Variants in C10orf90 observed in about 807,000 individuals in gnomAD.
The protein encoded by C10orf90 is (E2-independent) E3 ubiquitin-conjugating enzyme FATS.
C10orf90 carries 56 observed loss-of-function variants against 62.5 expected under a neutral mutation model. That is an observed-to-expected ratio of 0.90 (90% CI 0.72 to 1.12). C10orf90 has a LOEUF of 1.12. Among genes scored for constraint, C10orf90 ranks in the 50% most tolerant of loss-of-function variants. The pLI, the probability that C10orf90 is intolerant of heterozygous loss-of-function variation, is 0.00. For missense variants in C10orf90, 970 were observed against 880.4 expected, an observed-to-expected ratio of 1.10 and a Z score of -1.29; for synonymous variants, 386 against 340.4, an observed-to-expected ratio of 1.13 and a Z score of -1.47.
intron 1 of C10orf90, 102 bp downstream of exon 1, chr10:126,670,139 T>C: frequency 2.7e-6 from 1 of 366,230 alleles, no homozygotes; most frequent in South Asian, 2.1e-5. Flanking sequence ...AAATGATTAA[T>C]TTATTAGACC....
intron 3 of C10orf90, chr10:126,512,207 C>T (rs1863147691): frequency 1.3e-5 from 2 of 151,610 alleles, no homozygotes; most frequent in Admixed American, 6.6e-5. Flanking sequence ...GGTATAATTT[C>T]CAGAGTTATT....
At chr10:126,582,969 C>A (rs1336509316) in intron 2 of C10orf90, among the ~76,000 whole-genome samples, 1 of 152,170 alleles carries the variant, frequency 6.6e-6, no homozygotes, top group Non-Finnish European at 1.5e-5. Flanking sequence ...ACTTGGTTGG[C>A]ACTATTGATA....
chr10:126,636,847 AC>A lies in C10orf90; in HGVS notation c.313+9717del, dbSNP rs1845961760. Among the ~76,000 whole-genome samples, 3 of 152,208 alleles carry A rather than the reference AC, an allele frequency of 2.0e-5. No individual in the cohort carries two copies. In the South Asian group the frequency reaches 6.2e-4, roughly 32 times the overall value. On this transcript the variant is annotated intron_variant, in intron 2 of 9. Transcript: ENST00000488181. ...AGTCTATTCTCTCCATGCCTTATTA[AC>A]AATATTTCACCAAAACAAGCAGCAT...
intron 2 of C10orf90, among the ~76,000 whole-genome samples, chr10:126,625,506 G>A (rs1845725167): frequency 6.6e-6 from 1 of 152,142 alleles, no homozygotes. Context: ...GTCCAGAGTC[G>A]AGGGTTCTTT....
intron 2 of C10orf90, among the ~76,000 whole-genome samples, chr10:126,562,039 C>T (rs1406079011): frequency 1.3e-5 from 2 of 152,314 alleles, no homozygotes; most frequent in South Asian, 4.1e-4. Flanking sequence ...TGGGTGCCGC[C>T]CTCCCGCTGA....
chr10:126,599,182 CTT>C (rs755259124), intron 2 of C10orf90, among the ~76,000 whole-genome samples: 126 of 128,240 alleles, frequency 9.8e-4, no homozygotes, highest in African/African-American at 3.6e-3. Flanking sequence ...GGTTCCACTC[CTT>C]TTTTTTTTTT....
chr10:126,553,029 T>C (rs1168971551), intron 2 of C10orf90, among the ~76,000 whole-genome samples: 1 of 152,048 alleles, frequency 6.6e-6, no homozygotes, highest in Non-Finnish European at 1.5e-5. Context: ...ACATAAATAA[T>C]AGACCTAACT....
At chr10:126,568,650 G>C (rs1022841086) in intron 2 of C10orf90, among the ~76,000 whole-genome samples, 1 of 152,160 alleles carries the variant, frequency 6.6e-6, no homozygotes, top group Non-Finnish European at 1.5e-5. Flanking sequence ...AAGGCATGGG[G>C]ATTGTGCAGG....
intron 2 of C10orf90, among the ~76,000 whole-genome samples, chr10:126,626,201 T>A (rs1459186950): frequency 6.6e-6 from 1 of 150,676 alleles, no homozygotes; most frequent in African/African-American, 2.4e-5. Context: ...CCCTCTCTTC[T>A]GAACAGAAGG....
At chr10:126,472,732 G>A (rs939205809) in intron 4 of C10orf90, among the ~76,000 whole-genome samples, 1 of 152,198 alleles carries the variant, frequency 6.6e-6, no homozygotes, top group Non-Finnish European at 1.5e-5. Context: ...ATAGAGGAAT[G>A]TTGACCAAGG....
intron 2 of C10orf90, among the ~76,000 whole-genome samples, chr10:126,618,087 C>G (rs141966802): frequency 1.3e-5 from 2 of 152,136 alleles, no homozygotes; most frequent in Non-Finnish European, 2.9e-5. Context: ...CACCATGAGG[C>G]TCAGAAGAGA....
chr10:126,495,839 C>G (rs556129722), intron 4 of C10orf90, among the ~76,000 whole-genome samples: 6 of 152,216 alleles, frequency 3.9e-5, no homozygotes, highest in African/African-American at 1.4e-4. Flanking sequence ...TTTCCAAGAT[C>G]CCTTCTAAAT....
chr10:126,580,100 G>T (rs1235316836), intron 2 of C10orf90, among the ~76,000 whole-genome samples: 2 of 152,160 alleles, frequency 1.3e-5, no homozygotes, highest in African/African-American at 4.8e-5. Flanking sequence ...AGTGGGAATT[G>T]CTCCACTCTC....
chr10:126,555,448 G>A (rs7913560), intron 2 of C10orf90, among the ~76,000 whole-genome samples: 16 of 152,016 alleles, frequency 1.1e-4, no homozygotes, highest in African/African-American at 2.2e-4. Context: ...TGAGGCAGGC[G>A]CGATCACTTG....
intron 2 of C10orf90, among the ~76,000 whole-genome samples, chr10:126,515,922 C>T (rs540880943): frequency 1.4e-4 from 22 of 152,312 alleles, no homozygotes; most frequent in African/African-American, 2.4e-4. Flanking sequence ...TCCAAGATGA[C>T]GTGCACAGAT....
At chr10:126,428,279 G>C (rs940793777) in intron 8 of C10orf90, among the ~76,000 whole-genome samples, 3 of 152,144 alleles carry the variant, frequency 2.0e-5, no homozygotes, top group African/African-American at 7.2e-5. Flanking sequence ...TGGGGAGCTG[G>C]GACTGGGGTA....
chr10:126,569,555 CAAGT>C (rs1388958016), intron 2 of C10orf90, among the ~76,000 whole-genome samples: 9 of 152,056 alleles, frequency 5.9e-5, no homozygotes, highest in African/African-American at 2.2e-4. Context: ...GGGTATAAAC[CAAGT>C]AAGTATCTTG....
chr10:126,604,831 G>T (rs192174461), intron 2 of C10orf90, among the ~76,000 whole-genome samples: 12 of 152,228 alleles, frequency 7.9e-5, no homozygotes, highest in Non-Finnish European at 1.5e-5. Context: ...GTAAGATAAG[G>T]CCCATTTTCA....
At chr10:126,539,199 C>T (rs1864316717) in intron 2 of C10orf90, among the ~76,000 whole-genome samples, 2 of 152,196 alleles carry the variant, frequency 1.3e-5, no homozygotes, top group African/African-American at 2.4e-5. Flanking sequence ...TTTTGGAATG[C>T]GCAGCAACCC....
Sources: allele counts gnomAD v4.1 joint callset (sites outside exome capture counted in the v4.1 genomes callset), GRCh38; gene constraint gnomAD v4.1.1; transcripts MANE v1.5; gene names NCBI Gene and HGNC (gene_info 2026-07-23, HGNC 2026-07-21).